AIMP1: variants seen among roughly 807,000 people sequenced by gnomAD.
AIMP1 encodes aminoacyl tRNA synthetase complex interacting multifunctional protein 1, also known as aminoacyl tRNA synthase complex-interacting multifunctional protein 1.
In AIMP1, 24 loss-of-function variants were observed where a neutral mutation model predicts 33.1. The ratio of observed to expected loss-of-function variants is 0.73; its 90% CI spans 0.53 to 1.02. The LOEUF is 1.02. AIMP1 is among the 50% of genes least tolerant of loss of function. AIMP1 has a pLI of 0.00. For synonymous variants in AIMP1, 120 were observed against 121.5 expected (o/e 0.99, Z 0.08); for missense variants, 367 against 364.8 (o/e 1.01, Z -0.05).
At chr4:106,337,674 G>A (rs1255827666) in intron 6 of AIMP1, among the ~76,000 whole-genome samples, 1 of 152,216 alleles carries the variant, frequency 6.6e-6, no homozygotes, top group African/African-American at 2.4e-5. Context: ...ATATCCGAAA[G>A]TGTGGAAGCG....
chr4:106,327,541 T>G lies in AIMP1; in HGVS notation c.200T>G (p.Ile67Ser). 6.2e-7 allele frequency: 1 copy of G among 1,612,168 alleles called. No homozygotes were observed. Among genetic ancestry groups the G allele is most frequent in the Non-Finnish European group, 8.5e-7 (1 of 1,178,758 alleles). The part of the protein sequence containing the change: ...KEIEELKQEL[I>S]QAEIQNGVKQ... ...ATTGAAGAACTGAAACAAGAGCTAA[T>G]TCAGGCAGAAATTCAAAATGGAGGT... The change falls in exon 3 of 7, where the codon ATT (isoleucine) becomes AGT (serine). Residue 67 changes from isoleucine to serine, a missense_variant. By Grantham distance (142) the Ile-to-Ser change is moderately radical (BLOSUM62 -2). Transcript: ENST00000672341.
chr4:106,317,514 G>T (rs1768998592), intron 1 of AIMP1, among the ~76,000 whole-genome samples: 1 of 152,178 alleles, frequency 6.6e-6, no homozygotes, highest in Non-Finnish European at 1.5e-5. Context: ...GGAGAAAGGA[G>T]ACCAATAAGA....
upstream of AIMP1, chr4:106,316,430 G>T: frequency 9.6e-7 from 1 of 1,037,274 alleles, no homozygotes; most frequent in South Asian, 1.4e-5. Flanking sequence ...TAATGGGACT[G>T]AGCACAGGAA....
chr4:106,316,369 TTGAAAATAC>T, upstream of AIMP1: 1 of 608,700 alleles, frequency 1.6e-6, no homozygotes, highest in South Asian at 2.0e-5. Context: ...GGGGGGTCGA[TTGAAAATAC>T]TGGGTGAGGG....
intron 6 of AIMP1, among the ~76,000 whole-genome samples, chr4:106,339,434 C>T (rs1770012725): frequency 6.6e-6 from 1 of 152,060 alleles, no homozygotes; most frequent in Non-Finnish European, 1.5e-5. Flanking sequence ...CTCATGAGAG[C>T]TGATGGTTTT....
chr4:106,339,614 A>G (rs905870254), intron 6 of AIMP1, among the ~76,000 whole-genome samples: 1 of 152,222 alleles, frequency 6.6e-6, no homozygotes, highest in African/African-American at 2.4e-5. Context: ...TATTAGCAGC[A>G]TGAGAACAGA....
intron 1 of AIMP1, 39 bp from the exon 2 acceptor site, chr4:106,324,946 C>A: frequency 6.6e-7 from 1 of 1,526,058 alleles, no homozygotes; most frequent in East Asian, 2.4e-5. Flanking sequence ...AAATTTATTC[C>A]TTTCACAGTG....
intron 6 of AIMP1, among the ~76,000 whole-genome samples, chr4:106,344,808 C>G (rs1368154088): frequency 1.3e-5 from 2 of 151,030 alleles, no homozygotes; most frequent in Admixed American, 6.6e-5. Flanking sequence ...TTCGCTTACT[C>G]ATCTTATTCA....
chr4:106,344,782 CA>C (rs1770233446), intron 6 of AIMP1, among the ~76,000 whole-genome samples: 1 of 151,108 alleles, frequency 6.6e-6, no homozygotes, highest in African/African-American at 2.4e-5. Context: ...GGCTCTTTCC[CA>C]AGATAGCTGC....
chr4:106,336,609 T>C (rs994652154), intron 5 of AIMP1, among the ~76,000 whole-genome samples: 11 of 152,214 alleles, frequency 7.2e-5, no homozygotes, highest in Admixed American at 4.6e-4. Flanking sequence ...GTTTCACTCA[T>C]TTATTCATTG....
intron 1 of AIMP1, among the ~76,000 whole-genome samples, chr4:106,324,638 A>T (rs563496025): frequency 6.6e-6 from 1 of 152,176 alleles, no homozygotes; most frequent in African/African-American, 2.4e-5. Flanking sequence ...TTACTTTGGA[A>T]CACAGATGTA....
chr4:106,325,107 A>T lies in AIMP1; in HGVS notation c.98A>T (p.Lys33Met), dbSNP rs1167939931. 1 of 1,612,138 alleles carries T rather than the reference A, an allele frequency of 6.2e-7. No individual in the cohort carries two copies. Among genetic ancestry groups the T allele is most frequent in the Admixed American group, 1.7e-5 (1 of 59,932 alleles). The change falls in exon 2 of 7, where the codon AAG becomes ATG. Residue 33 changes from lysine to methionine, a missense_variant. Lys to Met is a moderately conservative substitution (Grantham distance 95). Coordinates refer to ENST00000672341, the MANE Select transcript of AIMP1 (RefSeq NM_001142416.2). ...CTTAAGCAGCAAGTTTCTCTACTTAAGGAGAAAGCAAGTAAGAAAATTTAA... is the reference window on the plus strand; with the variant it reads ...CTTAAGCAGCAAGTTTCTCTACTTATGGAGAAAGCAAGTAAGAAAATTTAA... Reference protein sequence around the residue: ...EYLKQQVSLLKEKAILQATLR... With the variant: ...EYLKQQVSLLMEKAILQATLR...
chr4:106,337,491 T>C (rs751855804), intron 6 of AIMP1, among the ~76,000 whole-genome samples: 1 of 152,180 alleles, frequency 6.6e-6, no homozygotes, highest in Non-Finnish European at 1.5e-5. Context: ...ATGCCTTTGC[T>C]CCTCCTTTGT....
intron 1 of AIMP1, among the ~76,000 whole-genome samples, chr4:106,323,281 G>A (rs757961350): frequency 2.0e-5 from 3 of 151,934 alleles, no homozygotes; most frequent in Non-Finnish European, 4.4e-5. Flanking sequence ...GTTATTCTTA[G>A]AAGATTTTTT....
Position 106,327,543 on chromosome 4 carries a change from C to A in AIMP1, c.202C>A (p.Gln68Lys). The change falls in exon 3 of 7, where the codon CAG becomes AAG. Residue 68 changes from glutamine (Q) to lysine (K), a missense_variant. Transcript: ENST00000672341. ...EIEELKQELIQAEIQNGVKQI... is the reference protein window; with the variant it reads ...EIEELKQELIKAEIQNGVKQI... ...TGAAGAACTGAAACAAGAGCTAATT[C>A]AGGCAGAAATTCAAAATGGAGGTAA... The A allele has an allele frequency of 6.2e-7, 1 of 1,611,760 alleles. No individual in the cohort carries two copies. Among genetic ancestry groups the A allele is most frequent in the South Asian group, 1.1e-5 (1 of 90,844 alleles).
chr4:106,347,039 C>T (rs946399855), intron 6 of AIMP1, among the ~76,000 whole-genome samples: 9 of 151,916 alleles, frequency 5.9e-5, no homozygotes, highest in Non-Finnish European at 2.9e-5. Context: ...AGAGAGAGAG[C>T]GGGGAGGTGC....
At chr4:106,325,387 C>G (rs566519353) in intron 2 of AIMP1, among the ~76,000 whole-genome samples, 1 of 151,898 alleles carries the variant, frequency 6.6e-6, no homozygotes. Flanking sequence ...TGCTTTCCTA[C>G]GTTTTGTAAG....
chr4:106,340,194 A>G (rs1454577206), intron 6 of AIMP1, among the ~76,000 whole-genome samples: 1 of 152,188 alleles, frequency 6.6e-6, no homozygotes, highest in African/African-American at 2.4e-5. Flanking sequence ...ATTTGGAGAC[A>G]TATTTGTAGA....
Position 106,327,528 on chromosome 4 carries a change from A to C in AIMP1, c.187A>C (p.Lys63Gln). 1.2e-6 allele frequency: 2 copies of C among 1,612,774 alleles called. No homozygotes were observed. Among genetic ancestry groups the C allele is most frequent in the Middle Eastern group, 1.7e-4 (1 of 6,046 alleles). ...AKLKKEIEEL[K>Q]QELIQAEIQN... ...ACTGAAGAAAGAAATTGAAGAACTG[A>C]AACAAGAGCTAATTCAGGCAGAAAT... Residue 63 changes from lysine (K) to glutamine (Q), a missense_variant, in exon 3 of 7, where the codon AAA (lysine) becomes CAA (glutamine). Coordinates refer to ENST00000672341, the MANE Select transcript of AIMP1 (RefSeq NM_001142416.2).
Sources: gnomAD v4.1 joint callset for allele counts (sites outside exome capture counted in the v4.1 genomes callset) on GRCh38, gnomAD v4.1.1 for gene constraint, MANE v1.5 for transcripts, NCBI Gene and HGNC (gene_info 2026-07-23, HGNC 2026-07-21) for gene names.